Variants in AMPH observed in about 807,000 individuals in gnomAD.
The protein encoded by AMPH is amphiphysin.
A neutral mutation model predicts 99.1 loss-of-function variants in AMPH; 49 were observed. The ratio of observed to expected loss-of-function variants is 0.49; its 90% CI spans 0.39 to 0.63. The LOEUF (loss-of-function observed/expected upper bound fraction) is 0.63, where lower values mean the gene tolerates loss of function less well. AMPH is among the 20% of genes least tolerant of loss of function. The pLI is 0.00. For synonymous variants in AMPH, 314 were observed against 317.3 expected, an observed-to-expected ratio of 0.99 and a Z score of 0.11; for missense variants, 759 against 863.4, an observed-to-expected ratio of 0.88 and a Z score of 1.52.
intron 1 of AMPH, among the ~76,000 whole-genome samples, chr7:38,571,278 T>TATA (rs1562835213): frequency 0.16 from 5,849 of 37,542 alleles, 408 homozygotes; most frequent in Non-Finnish European, 0.19. Flanking sequence ...TATATATATA[T>TATA]TTTTATATAT....
intron 6 of AMPH, among the ~76,000 whole-genome samples, 179 bp downstream of exon 6, chr7:38,476,683 T>C (rs1032798596): frequency 1.3e-5 from 2 of 152,142 alleles, no homozygotes; most frequent in African/African-American, 4.8e-5. Context: ...CCATATGAAC[T>C]GTACAATATA....
intron 17 of AMPH, among the ~76,000 whole-genome samples, chr7:38,396,358 C>T (rs1247406451): frequency 6.6e-6 from 1 of 152,168 alleles, no homozygotes; most frequent in Non-Finnish European, 1.5e-5. Context: ...TCTGTTTTTG[C>T]CTGCTGCCAT....
chr7:38,440,290 A>C (rs927528583), intron 11 of AMPH, among the ~76,000 whole-genome samples: 6 of 152,242 alleles, frequency 3.9e-5, no homozygotes, highest in Non-Finnish European at 8.8e-5. Context: ...TGAGAAAAAG[A>C]AACTGCCAAC....
chr7:38,620,548 T>TACACACACACACAC (rs201765719), intron 1 of AMPH, among the ~76,000 whole-genome samples: 2 of 133,180 alleles, frequency 1.5e-5, no homozygotes, highest in Admixed American at 7.8e-5. Flanking sequence ...TATACATACA[T>TACACACACACACAC]ACACACACAC....
intron 16 of AMPH, chr7:38,421,148 A>C (rs927082499): frequency 8.1e-5 from 36 of 441,982 alleles, no homozygotes; most frequent in African/African-American, 7.0e-4. Context: ...AAAGACAAGC[A>C]TGGAAGCTCC....
intron 11 of AMPH, among the ~76,000 whole-genome samples, chr7:38,438,141 G>A (rs1360408541): frequency 6.6e-6 from 1 of 152,160 alleles, no homozygotes; most frequent in Non-Finnish European, 1.5e-5. Context: ...TATACTTGGA[G>A]TATGATAGGC....
chr7:38,567,099 T>C (rs976859429), intron 1 of AMPH, among the ~76,000 whole-genome samples: 11 of 152,328 alleles, frequency 7.2e-5, no homozygotes, highest in Middle Eastern at 3.4e-3. Context: ...TGTATGTTTA[T>C]TGTAGCACTA....
chr7:38,628,585 T>C (rs1000603313), intron 1 of AMPH, among the ~76,000 whole-genome samples: 2 of 152,200 alleles, frequency 1.3e-5, no homozygotes, highest in Non-Finnish European at 2.9e-5. Context: ...TGTACATGTA[T>C]AGAAGGATGT....
At chr7:38,447,877 T>G (rs116459130) in intron 11 of AMPH, among the ~76,000 whole-genome samples, 2,332 of 152,272 alleles carry the variant, frequency 0.015, 61 homozygotes, top group African/African-American at 0.053. Flanking sequence ...CTAGAGATTT[T>G]CATCTTTTAT....
Position 38,571,277 on chromosome 7 carries a change from AT to A in AMPH, c.70-36267del, listed in dbSNP as rs557961776. ...ATATTAAATATATATTTATATATAT[AT>A]TTTTATATATATTTATATATGAATA... On this transcript the variant is annotated intron_variant, in intron 1 of 20. Transcript: ENST00000356264. Among the ~76,000 whole-genome samples the A allele has an allele frequency of 2.6e-4, 14 of 54,148 alleles. 1 individual carries two copies. The highest frequency in any genetic ancestry group is 1.1e-3 in the South Asian group (2 of 1,808). 35.5% of individuals were successfully genotyped at this position (54,148 alleles called of 152,430 possible).
At chr7:38,557,139 C>A (rs1203607895) in intron 1 of AMPH, among the ~76,000 whole-genome samples, 1 of 152,108 alleles carries the variant, frequency 6.6e-6, no homozygotes. Flanking sequence ...TGGGACAAAA[C>A]AGCAGGCAAG....
chr7:38,506,024 A>G lies in AMPH; in HGVS notation c.151-2320T>C, dbSNP rs185383718. ...GTGGAAGTAACATGTGCTACTTTCA[A>G]GCTGAAGCTATAAAAGCCATCACAT... On this transcript the variant is annotated intron_variant, in intron 2 of 20. Transcript: ENST00000356264. 2.0e-4 allele frequency among the ~76,000 whole-genome samples: 30 copies of G among 152,302 alleles called. No homozygotes were observed. In the East Asian group the frequency reaches 5.2e-3, roughly 26 times the overall value.
At chr7:38,616,058 C>A (rs891473768) in intron 1 of AMPH, among the ~76,000 whole-genome samples, 1 of 152,148 alleles carries the variant, frequency 6.6e-6, no homozygotes, top group Non-Finnish European at 1.5e-5. Flanking sequence ...GAATATAGCA[C>A]ACCAAAGAAC....
intron 7 of AMPH, 103 bp downstream of exon 7, chr7:38,475,228 C>T: frequency 1.3e-6 from 1 of 743,136 alleles, no homozygotes; most frequent in Non-Finnish European, 2.3e-6. Context: ...TTTCACTGGA[C>T]AGTGTTGAAA....
chr7:38,419,731 C>T (rs1785517558), intron 16 of AMPH, among the ~76,000 whole-genome samples: 1 of 152,130 alleles, frequency 6.6e-6, no homozygotes, highest in Non-Finnish European at 1.5e-5. Context: ...TTTGAGAAAA[C>T]ACCAAGAAAT....
At chr7:38,624,498 G>A (rs890065470) in intron 1 of AMPH, among the ~76,000 whole-genome samples, 2 of 150,606 alleles carry the variant, frequency 1.3e-5, no homozygotes, top group African/African-American at 2.5e-5. Context: ...CGGTTCAAGC[G>A]ATTCTTCTGC....
rs1255650435 is a variant in AMPH at position 38,603,718 on chromosome 7, A to G, written c.69+27565T>C. 3.9e-5 allele frequency among the ~76,000 whole-genome samples: 6 copies of G among 152,176 alleles called. No homozygotes were observed. The South Asian group carries it at 1.2e-3, about 32-fold the overall frequency. On this transcript the variant is annotated intron_variant, in intron 1 of 20. Coordinates refer to ENST00000356264, the MANE Select transcript of AMPH (RefSeq NM_001635.4). ...AAACCCAGCATGCCAAGGGCTTGTC[A>G]GATCCAGTAGACCAAGCATCACAGC...
chr7:38,564,641 C>T (rs546297341), intron 1 of AMPH, among the ~76,000 whole-genome samples: 1 of 152,186 alleles, frequency 6.6e-6, no homozygotes, highest in African/African-American at 2.4e-5. Flanking sequence ...ATTCAGCTCA[C>T]TCCTATTACC....
rs118139406 is a variant in AMPH at position 38,545,520 on chromosome 7, G to A, written c.70-10509C>T. On this transcript the variant is annotated intron_variant, in intron 1 of 20. Transcript: ENST00000356264. ...AAATTTCCACTGCAGTCCTACCTGGGGCCACTGAGTGACATCAGGAGGGCC... is the reference window on the plus strand; with the variant it reads ...AAATTTCCACTGCAGTCCTACCTGGAGCCACTGAGTGACATCAGGAGGGCC... Among the ~76,000 whole-genome samples the A allele has an allele frequency of 2.6e-5, 4 of 152,206 alleles. No homozygotes were observed. In the East Asian group the frequency reaches 7.7e-4, roughly 29 times the overall value.
Sources: gnomAD v4.1 joint callset for allele counts (sites outside exome capture counted in the v4.1 genomes callset) on GRCh38, gnomAD v4.1.1 for gene constraint, MANE v1.5 for transcripts, NCBI Gene and HGNC (gene_info 2026-07-23, HGNC 2026-07-21) for gene names.